HERC1: variants seen among roughly 807,000 people sequenced by gnomAD.
HERC1 encodes probable E3 ubiquitin-protein ligase HERC1.
A neutral mutation model predicts 554.3 loss-of-function variants in HERC1; 160 were observed. The ratio of observed to expected loss-of-function variants is 0.29; its 90% CI spans 0.25 to 0.33. The LOEUF (loss-of-function observed/expected upper bound fraction) is 0.33. Among genes scored for constraint, HERC1 ranks in the 10% least tolerant of loss-of-function variants. The pLI, the probability that HERC1 is intolerant of heterozygous loss-of-function variation, is 1.00. For missense variants in HERC1, 4,919 were observed against 5,918.5 expected (o/e 0.83, Z 5.54); for synonymous variants, 2,175 against 2,131.7 (o/e 1.02, Z -0.56).
chr15:63,757,736 G>C (rs2075477019), intron 4 of HERC1, among the ~76,000 whole-genome samples: 1 of 152,140 alleles, frequency 6.6e-6, no homozygotes, highest in Non-Finnish European at 1.5e-5. Flanking sequence ...TTGAGACGGA[G>C]CCTCACTCTG....
In HERC1 at chr15:63,615,976, TATTTTAC is replaced by T. The variant is rs546183135; in HGVS notation, c.13942-63_13942-57del. On this transcript the variant is annotated intron_variant, in intron 75 of 77. Coordinates refer to ENST00000443617, the MANE Select transcript of HERC1 (RefSeq NM_003922.4). Reference sequence around the variant, plus strand: ...ACATGGTAGAAATGACAGCAAAAAGTATTTTACATACAAATACGGCACAGCAATAACA... The same window carrying T: ...ACATGGTAGAAATGACAGCAAAAAGTATACAAATACGGCACAGCAATAACA... 2.7e-3 allele frequency: 3,831 copies of T among 1,394,260 alleles called. 9 individuals are homozygous for T. The highest frequency in any genetic ancestry group is 3.4e-3 in the Non-Finnish European group (3,517 of 1,029,240). The allele number at this position is 1,394,260 out of a possible 1,614,324, so 86.4% of individuals were successfully genotyped here.
chr15:63,723,182 C>A lies in HERC1; in HGVS notation c.3742G>T (p.Asp1248Tyr). 6.9e-7 allele frequency: 1 copy of A among 1,451,502 alleles called. No individual in the cohort carries two copies. The highest frequency in any genetic ancestry group is 9.2e-7 in the Non-Finnish European group (1 of 1,092,556). The allele number at this position is 1,451,502 out of a possible 1,614,324, so 89.9% of individuals were successfully genotyped here. Residue 1248 changes from aspartate to tyrosine, a missense_variant and splice_region_variant, in exon 19 of 78, where the codon GAT becomes TAT. Asp to Tyr is a radical substitution (Grantham distance 160). Transcript: ENST00000443617. ...ACTCCCTTTATCTTCTTTATCTTAC[C>A]TTTACTAACAGCATAGTCCTGCATG... ...ISMQDYAVSK[D>Y]WDSATLSNES...
chr15:63,775,396 G>A lies in HERC1; in HGVS notation c.228C>T (p.Asp76=), dbSNP rs376195217. 6.2e-7 allele frequency: 1 copy of A among 1,613,992 alleles called. No homozygotes were observed. The highest frequency in any genetic ancestry group is 8.5e-7 in the Non-Finnish European group (1 of 1,179,868). ...ERESLSSDEQ[D]HYLDALLSSQ... The stretch of plus-strand genomic sequence containing the variant: ...TGCTAAGAAGGGCATCCAAATAGTG[G>A]TCCTGCTCATCACTTGAAAGAGACT... Residue 76 remains aspartate (D), a synonymous_variant, in exon 2 of 78, where the codon GAC becomes GAT. Coordinates refer to ENST00000443617, the MANE Select transcript of HERC1 (RefSeq NM_003922.4). This position sits in a 1 kb window ranked among gnomAD's most constrained non-coding sequence, Gnocchi z 4.0.
chr15:63,665,997 T>C lies in HERC1; in HGVS notation c.8477A>G (p.Asn2826Ser), dbSNP rs766919151. Residue 2826 changes from asparagine (N) to serine (S), a missense_variant, in exon 42 of 78, where the codon AAT becomes AGT. By Grantham distance (46) the Asn-to-Ser change is conservative. Coordinates refer to ENST00000443617, the MANE Select transcript of HERC1 (RefSeq NM_003922.4). ...AGGTGACTGCAAATAACAGGGATCA[T>C]TTGACTTCCCGCCACTGCCTAGAAC... ...AAVLGSGGKSNDPCYLQSPGD... is the reference protein window; with the variant it reads ...AAVLGSGGKSSDPCYLQSPGD... 6.2e-7 allele frequency: 1 copy of C among 1,614,028 alleles called. No individual in the cohort carries two copies. Among genetic ancestry groups the C allele is most frequent in the Non-Finnish European group, 8.5e-7 (1 of 1,179,882 alleles).
intron 1 of HERC1, among the ~76,000 whole-genome samples, chr15:63,810,120 A>G (rs2077256016): frequency 6.6e-6 from 1 of 152,230 alleles, no homozygotes; most frequent in East Asian, 1.9e-4. Flanking sequence ...ACTATGATAT[A>G]CTAAGTTAAA....
Position 63,686,551 on chromosome 15 carries a change from C to G in HERC1, c.6049-16G>C. Reference sequence around the variant, plus strand: ...CGCCCTGCTTCTACCAGAAAAGAAGCTGGGTCAGCATTTTGGAATAATCCA... The same window carrying G: ...CGCCCTGCTTCTACCAGAAAAGAAGGTGGGTCAGCATTTTGGAATAATCCA... On this transcript the variant is annotated splice_polypyrimidine_tract_variant and intron_variant, in intron 33 of 77. Coordinates refer to ENST00000443617, the MANE Select transcript of HERC1 (RefSeq NM_003922.4). 1 of 1,607,534 alleles carries G rather than the reference C, an allele frequency of 6.2e-7. No individual in the cohort carries two copies. The highest frequency in any genetic ancestry group is 8.5e-7 in the Non-Finnish European group (1 of 1,177,380).
At chr15:63,794,073 CCATGG>C (rs2076735462) in intron 1 of HERC1, among the ~76,000 whole-genome samples, 3 of 152,254 alleles carry the variant, frequency 2.0e-5, no homozygotes, top group Admixed American at 6.5e-5. Context: ...TTTACAAATC[CCATGG>C]CACTGTCAGG....
intron 1 of HERC1, among the ~76,000 whole-genome samples, chr15:63,809,643 T>C (rs1052104857): frequency 6.6e-6 from 1 of 152,178 alleles, no homozygotes; most frequent in Non-Finnish European, 1.5e-5. Context: ...ATTGAACTTG[T>C]ACGGAGTTGA....
intron 23 of HERC1, among the ~76,000 whole-genome samples, chr15:63,713,122 T>C (rs1321400659): frequency 2.0e-5 from 3 of 152,248 alleles, no homozygotes; most frequent in Non-Finnish European, 4.4e-5. Context: ...TCACTGCTGT[T>C]GTTTATATAT....
intron 1 of HERC1, among the ~76,000 whole-genome samples, chr15:63,796,425 T>C (rs1183108584): frequency 6.6e-6 from 1 of 152,242 alleles, no homozygotes; most frequent in South Asian, 2.1e-4. Context: ...TGCAAAATTA[T>C]GACAGTAAGA....
chr15:63,795,738 G>A (rs534332138), intron 1 of HERC1, among the ~76,000 whole-genome samples: 23 of 152,338 alleles, frequency 1.5e-4, no homozygotes, highest in Admixed American at 4.6e-4. Flanking sequence ...GAACAAAAGA[G>A]ACAGGGTCAT....
At chr15:63,621,743 T>C (rs1380600742) in intron 74 of HERC1, among the ~76,000 whole-genome samples, 2 of 152,246 alleles carry the variant, frequency 1.3e-5, no homozygotes, top group African/African-American at 4.8e-5. Context: ...ATTCATTTGA[T>C]CTTCCATCAC....
chr15:63,647,984 T>G, intron 55 of HERC1, 85 bp downstream of exon 55: 2 of 1,074,038 alleles, frequency 1.9e-6, no homozygotes, highest in Non-Finnish European at 2.7e-6. Flanking sequence ...TCTTAAAATC[T>G]CTGACTTCTC....
chr15:63,760,146 G>C lies in HERC1; in HGVS notation c.1027-1777C>G, dbSNP rs148144973. Among the ~76,000 whole-genome samples the C allele has an allele frequency of 3.8e-3, 583 of 152,068 alleles. 3 individuals carry two copies. Among genetic ancestry groups the C allele is most frequent in the Non-Finnish European group, 6.9e-3 (470 of 67,982 alleles). ...TGAACTGGATAGGGACAACAGAAAG[G>C]AAAGATGGAAAGGAAAGAGAATACC... On this transcript the variant is annotated intron_variant, in intron 3 of 77. Transcript: ENST00000443617.
Position 63,718,362 on chromosome 15 carries a change from A to C in HERC1, c.3978+212T>G. 2 of 445,988 alleles carry C rather than the reference A, an allele frequency of 4.5e-6. No homozygotes were observed. The highest frequency in any genetic ancestry group is 7.9e-6 in the Non-Finnish European group (2 of 253,112). 27.6% of individuals were successfully genotyped at this position (445,988 alleles called of 1,614,324 possible). The stretch of plus-strand genomic sequence containing the variant: ...TATTAATATTTATGCAGCCAACTAA[A>C]GTTTCTTAGAACCAATATCACACTT... On this transcript the variant is annotated intron_variant, in intron 21 of 77. Coordinates refer to ENST00000443617, the MANE Select transcript of HERC1 (RefSeq NM_003922.4). This position sits in a 1 kb window ranked among gnomAD's most constrained non-coding sequence, Gnocchi z 4.2.
At chr15:63,609,960 A>G (rs1413137374) in intron 77 of HERC1, among the ~76,000 whole-genome samples, 2 of 152,224 alleles carry the variant, frequency 1.3e-5, no homozygotes, top group Admixed American at 1.3e-4. Flanking sequence ...AAAAATTTGT[A>G]CAATTGAGGC....
intron 1 of HERC1, among the ~76,000 whole-genome samples, chr15:63,822,250 T>A (rs144209038): frequency 3.3e-5 from 5 of 152,222 alleles, no homozygotes; most frequent in African/African-American, 1.2e-4. Context: ...TTGCAGGTCA[T>A]GGCTAGGAAT....
At chr15:63,813,400 A>G (rs929107766) in intron 1 of HERC1, among the ~76,000 whole-genome samples, 1 of 152,062 alleles carries the variant, frequency 6.6e-6, no homozygotes, top group Non-Finnish European at 1.5e-5. Flanking sequence ...TTACTCCAAA[A>G]GAGCCACACT....
At chr15:63,797,860 T>C (rs1376117798) in intron 1 of HERC1, among the ~76,000 whole-genome samples, 1 of 152,158 alleles carries the variant, frequency 6.6e-6, no homozygotes, top group African/African-American at 2.4e-5. Flanking sequence ...CATAAAACAA[T>C]TTTCAAAAAA....
Sources: gnomAD v4.1 joint callset for allele counts (sites outside exome capture counted in the v4.1 genomes callset) on GRCh38, gnomAD v4.1.1 for gene constraint, Gnocchi (gnomAD v3.1) non-coding constraint, MANE v1.5 for transcripts, NCBI Gene and HGNC (gene_info 2026-07-23, HGNC 2026-07-21) for gene names.